The following PTPRN2 variants were observed in gnomAD, a reference collection of about 807,000 sequenced individuals.
PTPRN2 encodes protein tyrosine phosphatase receptor type N2, also known as receptor-type tyrosine-protein phosphatase N2.
PTPRN2 carries 74 observed loss-of-function variants against 118.8 expected under a neutral mutation model. The ratio of observed to expected loss-of-function variants is 0.62; its 90% CI spans 0.52 to 0.76. The LOEUF (loss-of-function observed/expected upper bound fraction) is 0.76. PTPRN2 is among the 30% of genes least tolerant of loss of function. PTPRN2 has a pLI of 0.00. For synonymous variants in PTPRN2, 641 were observed against 608.0 expected, an observed-to-expected ratio of 1.05 and a Z score of -0.80; for missense variants, 1,481 against 1,394.4, an observed-to-expected ratio of 1.06 and a Z score of -0.99.
chr7:158,394,879 G>A (rs1473909202), intron 2 of PTPRN2, among the ~76,000 whole-genome samples: 2 of 152,190 alleles, frequency 1.3e-5, no homozygotes, highest in Non-Finnish European at 2.9e-5. Flanking sequence ...AGACCGAATC[G>A]TCACAGGGAC....
chr7:158,212,585 C>A (rs895054341), intron 3 of PTPRN2, among the ~76,000 whole-genome samples: 1 of 151,958 alleles, frequency 6.6e-6, no homozygotes, highest in African/African-American at 2.4e-5. Context: ...CAGCAAGGAG[C>A]CTTACACCAA....
intron 2 of PTPRN2, among the ~76,000 whole-genome samples, chr7:158,366,066 C>T (rs368479584): frequency 1.9e-4 from 28 of 146,094 alleles, no homozygotes; most frequent in South Asian, 4.4e-4. Context: ...GCCCAATGCA[C>T]GCGTGCACAC....
intron 12 of PTPRN2, among the ~76,000 whole-genome samples, chr7:157,703,761 G>A (rs776129753): frequency 5.3e-5 from 8 of 152,118 alleles, no homozygotes; most frequent in Non-Finnish European, 7.4e-5. Flanking sequence ...GTCCTCTGCC[G>A]CTGCTCTGGA....
chr7:157,779,563 C>T lies in PTPRN2; in HGVS notation c.1789-96626G>A, dbSNP rs1055247691. 1.2e-4 allele frequency among the ~76,000 whole-genome samples: 19 copies of T among 152,276 alleles called. No individual in the cohort carries two copies. The highest frequency in any genetic ancestry group is 3.4e-3 in the Middle Eastern group (1 of 294). On this transcript the variant is annotated intron_variant, in intron 12 of 22. Transcript: ENST00000389418. The surrounding 1 kb of genome is among the most constrained non-coding windows in gnomAD (Gnocchi z 4.7). ...CCAGCAGGGCGACGGAGGGTGGGGGCGGCAGGCTGTCTCCGGTGCTTGCCT... is the reference window on the plus strand; with the variant it reads ...CCAGCAGGGCGACGGAGGGTGGGGGTGGCAGGCTGTCTCCGGTGCTTGCCT...
At chr7:158,327,022 T>C (rs1278246521) in intron 2 of PTPRN2, among the ~76,000 whole-genome samples, 1 of 147,616 alleles carries the variant, frequency 6.8e-6, no homozygotes, top group Non-Finnish European at 1.5e-5. Context: ...CTCACATATA[T>C]ACACATTCTC....
At chr7:158,057,844 C>T (rs1294039726) in intron 11 of PTPRN2, among the ~76,000 whole-genome samples, 1 of 152,222 alleles carries the variant, frequency 6.6e-6, no homozygotes, top group African/African-American at 2.4e-5. Context: ...GAAAGACACA[C>T]AGCAAAAGCT....
At chr7:158,248,774 GCACACAT>G (rs1796428915) in intron 3 of PTPRN2, among the ~76,000 whole-genome samples, 3 of 95,028 alleles carry the variant, frequency 3.2e-5, no homozygotes, top group African/African-American at 1.4e-4. Flanking sequence ...TGTGCACATC[GCACACAT>G]CACATATGTG....
chr7:157,630,875 G>C (rs1226613149), intron 14 of PTPRN2, among the ~76,000 whole-genome samples: 1 of 152,192 alleles, frequency 6.6e-6, no homozygotes, highest in Non-Finnish European at 1.5e-5. Flanking sequence ...TTTGTAAGGA[G>C]GAGGCATTCC....
chr7:157,582,818 G>T (rs776080621), intron 17 of PTPRN2, among the ~76,000 whole-genome samples: 40 of 151,644 alleles, frequency 2.6e-4, no homozygotes, highest in Non-Finnish European at 5.4e-4. Context: ...AGGTTGCAGT[G>T]AGCCGAGACC....
chr7:157,557,091 G>T (rs1798934594), intron 21 of PTPRN2, among the ~76,000 whole-genome samples: 1 of 139,958 alleles, frequency 7.1e-6, no homozygotes, highest in Non-Finnish European at 1.6e-5. Flanking sequence ...CACACACACA[G>T]ATATACACAC....
At position 158,069,067 on chromosome 7, in the gene PTPRN2, G is replaced by C. The variant is rs144195805; in HGVS notation, c.1723+12231C>G. Among the ~76,000 whole-genome samples the C allele has an allele frequency of 2.2e-3, 336 of 152,286 alleles. 2 individuals are homozygous for C. The highest frequency in any genetic ancestry group is 7.4e-3 in the African/African-American group (308 of 41,560). On this transcript the variant is annotated intron_variant, in intron 11 of 22. Transcript: ENST00000389418. ...TGCATCATACGAATCATCGCATCTC[G>C]TTAGTGAAGCGGCCTCATCTTGACA...
At chr7:157,875,740 C>A (rs957419460) in intron 12 of PTPRN2, among the ~76,000 whole-genome samples, 1 of 151,298 alleles carries the variant, frequency 6.6e-6, no homozygotes, top group Non-Finnish European at 1.5e-5. Flanking sequence ...CAGGGGGGCA[C>A]GGGGCTGCAG....
intron 2 of PTPRN2, among the ~76,000 whole-genome samples, chr7:158,439,400 T>C (rs1586673796): frequency 1.3e-5 from 2 of 152,192 alleles, no homozygotes; most frequent in Admixed American, 6.5e-5. Flanking sequence ...CACAAGCCTT[T>C]GAGCTAAGAA....
intron 5 of PTPRN2, among the ~76,000 whole-genome samples, chr7:158,186,095 G>A (rs1038660452): frequency 1.3e-5 from 2 of 152,138 alleles, no homozygotes; most frequent in African/African-American, 2.4e-5. Context: ...GCAGACACTC[G>A]CTTTGCACAG....
rs576830015 is a variant in PTPRN2 at position 158,085,766 on chromosome 7, C to T, written c.1644-4389G>A. On this transcript the variant is annotated intron_variant, in intron 10 of 22. Coordinates refer to ENST00000389418, the MANE Select transcript of PTPRN2 (RefSeq NM_002847.5). ...CCCATCCACACATGCCCATCCACAC[C>T]CATGACGCCCATCCACACCCACGAC... is the stretch of plus-strand genomic sequence containing the variant. Among the ~76,000 whole-genome samples, 812 of 145,372 alleles carry T rather than the reference C, an allele frequency of 5.6e-3. 4 individuals are homozygous for T. Among genetic ancestry groups the T allele is most frequent in the South Asian group, 0.012 (52 of 4,514 alleles).
At position 157,642,949 on chromosome 7, in the gene PTPRN2, C is replaced by T. The variant is rs913069971; in HGVS notation, c.2196+13408G>A. 3.9e-5 allele frequency among the ~76,000 whole-genome samples: 6 copies of T among 152,098 alleles called. No homozygotes were observed. The East Asian group carries it at 5.8e-4, about 15-fold the overall frequency. On this transcript the variant is annotated intron_variant, in intron 14 of 22. Coordinates refer to ENST00000389418, the MANE Select transcript of PTPRN2 (RefSeq NM_002847.5). ...ATCACAGCAGCTTACCTCTTTCTCCCGCAGACTCTCTGGACCATCACCCAC... is the reference window on the plus strand; with the variant it reads ...ATCACAGCAGCTTACCTCTTTCTCCTGCAGACTCTCTGGACCATCACCCAC...
At chr7:158,070,160 C>G (rs1349759660) in intron 11 of PTPRN2, among the ~76,000 whole-genome samples, 1 of 152,240 alleles carries the variant, frequency 6.6e-6, no homozygotes, top group African/African-American at 2.4e-5. Context: ...CTATGGCCAA[C>G]ACAGCAGACA....
At chr7:158,158,151 C>T (rs901265392) in intron 6 of PTPRN2, among the ~76,000 whole-genome samples, 6 of 152,126 alleles carry the variant, frequency 3.9e-5, no homozygotes, top group East Asian at 1.9e-4. Flanking sequence ...TCTTCAAAAA[C>T]GAAAAGGCAG....
At chr7:157,607,947 C>G (rs1802102268) in intron 15 of PTPRN2, among the ~76,000 whole-genome samples, 1 of 152,158 alleles carries the variant, frequency 6.6e-6, no homozygotes, top group African/African-American at 2.4e-5. Flanking sequence ...TTCATTTCCC[C>G]CGAGGTCACC....
Sources: allele counts gnomAD v4.1 joint callset (sites outside exome capture counted in the v4.1 genomes callset), GRCh38; gene constraint gnomAD v4.1.1; non-coding constraint Gnocchi (gnomAD v3.1); transcripts MANE v1.5; gene names NCBI Gene and HGNC (gene_info 2026-07-23, HGNC 2026-07-21).